OR9K2: variants seen among roughly 807,000 people sequenced by gnomAD.
OR9K2 encodes the protein olfactory receptor family 9 subfamily K member 2, also known as olfactory receptor 9K2.
In OR9K2, 16 loss-of-function variants were observed where a neutral mutation model predicts 12.4. That is an observed-to-expected ratio of 1.29 (90% CI 0.87 to 1.95). The LOEUF is 1.95. Ranked by LOEUF, OR9K2 falls within the 30% of genes most tolerant of loss-of-function variation. The pLI is 0.00. For synonymous variants in OR9K2, 133 were observed against 133.2 expected (o/e 1.00, Z 0.01); for missense variants, 434 against 376.5 (o/e 1.15, Z -1.26).
chr12:55,129,152 G>A (rs1386061742), intron 2 of OR9K2, among the ~76,000 whole-genome samples: 1 of 152,134 alleles, frequency 6.6e-6, no homozygotes, highest in Non-Finnish European at 1.5e-5. Flanking sequence ...ATGAAGGGAA[G>A]TTTTCTTTAT....
rs1241548602 is a variant in OR9K2, at chr12:55,130,324, A to G, written c.490A>G (p.Ser164Gly). The change falls in exon 3 of 3, where the codon AGC becomes GGC. Residue 164 changes from serine to glycine, a missense_variant. By Grantham distance (56) the Ser-to-Gly change is moderately conservative. Transcript: ENST00000641329. ...CGCISSVIQTSMTFTLSFCAS... is the reference protein window; with the variant it reads ...CGCISSVIQTGMTFTLSFCAS... Reference sequence around the variant, plus strand: ...CTGCATTAGCTCAGTTATTCAGACTAGCATGACATTTACTTTATCTTTTTG... The same window carrying G: ...CTGCATTAGCTCAGTTATTCAGACTGGCATGACATTTACTTTATCTTTTTG... 6.2e-7 allele frequency: 1 copy of G among 1,613,914 alleles called. No homozygotes were observed.
In OR9K2 at chr12:55,130,130, G is replaced by T. The variant is rs1290069971; in HGVS notation, c.296G>T (p.Gly99Val). ...GAAAACAAGTCTATCTCCTTTGCAG[G>T]CTGTGTGGCCCAGCTCTTTCTCTTT... ...WSENKSISFA[G>V]CVAQLFLFAL... The change falls in exon 3 of 3, where the codon GGC (glycine) becomes GTC (valine). Residue 99 changes from glycine (G) to valine (V), a missense_variant. Transcript: ENST00000641329. 1 of 1,613,748 alleles carries T rather than the reference G, an allele frequency of 6.2e-7. No individual in the cohort carries two copies. Among genetic ancestry groups the T allele is most frequent in the Non-Finnish European group, 8.5e-7 (1 of 1,179,984 alleles).
chr12:55,127,202 A>G (rs1240557022), intron 2 of OR9K2, among the ~76,000 whole-genome samples: 2 of 151,894 alleles, frequency 1.3e-5, no homozygotes, highest in Non-Finnish European at 2.9e-5. Context: ...CATTATGTTG[A>G]CAATACGCAG....
intron 2 of OR9K2, 118 bp from the exon 3 acceptor site, chr12:55,129,708 A>C: frequency 7.9e-7 from 1 of 1,257,950 alleles, no homozygotes; most frequent in Non-Finnish European, 1.1e-6. Flanking sequence ...GGCAAAAATT[A>C]ATAATAACAT....
At chr12:55,128,832 C>G (rs1953447002) in intron 2 of OR9K2, among the ~76,000 whole-genome samples, 1 of 152,052 alleles carries the variant, frequency 6.6e-6, no homozygotes, top group African/African-American at 2.4e-5. Context: ...CCATATGTAT[C>G]CTTTGCAGTA....
At chr12:55,127,157 A>T (rs932091267) in intron 2 of OR9K2, among the ~76,000 whole-genome samples, 3 of 151,888 alleles carry the variant, frequency 2.0e-5, no homozygotes, top group Non-Finnish European at 4.4e-5. Flanking sequence ...ACGTAATAAT[A>T]TGTATTGAAT....
In OR9K2 at chr12:55,126,918, G is replaced by A. The variant is rs1480202384; in HGVS notation, c.-10+7G>A. 6.6e-6 allele frequency: 1 copy of A among 152,070 alleles called. No homozygotes were observed. Among genetic ancestry groups the A allele is most frequent in the African/African-American group, 2.4e-5 (1 of 41,420 alleles). The allele number at this position is 152,070 out of a possible 1,614,324, so 9.4% of individuals were successfully genotyped here. A position where few individuals can be genotyped will look rare whatever the true frequency, so the allele number is the denominator to read the frequency against. On this transcript the variant is annotated splice_region_variant and intron_variant, in intron 2 of 2. Coordinates refer to ENST00000641329, the MANE Select transcript of OR9K2 (RefSeq NM_001005243.2). Reference sequence around the variant, plus strand: ...AGTTACTAAACAATACAAGGTAAAAGTAACTTAAAACCTGTAAGTTTTTGA... The same window carrying A: ...AGTTACTAAACAATACAAGGTAAAAATAACTTAAAACCTGTAAGTTTTTGA...
At position 55,130,616 on chromosome 12, in the gene OR9K2, T is replaced by G; in HGVS notation, c.782T>G (p.Met261Arg). The G allele has an allele frequency of 6.2e-7, 1 of 1,613,998 alleles. No homozygotes were observed. Among genetic ancestry groups the G allele is most frequent in the Middle Eastern group, 1.7e-4 (1 of 6,060 alleles). Residue 261 changes from methionine (M) to arginine (R), a missense_variant, in exon 3 of 3, where the codon ATG (methionine) becomes AGG (arginine). By Grantham distance (91) the Met-to-Arg change is moderately conservative. Transcript: ENST00000641329. The stretch of plus-strand genomic sequence containing the variant: ...GTGCTGTATGGTGCTGTCTTTTTTA[T>G]GTATCTCACTCCTGACAGATTTCCT... ...VSVLYGAVFF[M>R]YLTPDRFPEL... is the part of the protein sequence containing the mutation.
rs1278149973 is a variant in OR9K2 at position 55,130,325 on chromosome 12, G to A, written c.491G>A (p.Ser164Asn). 6.2e-7 allele frequency: 1 copy of A among 1,613,984 alleles called. No homozygotes were observed. The highest frequency in any genetic ancestry group is 1.7e-5 in the Admixed American group (1 of 59,966). The part of the protein sequence containing the change: ...CGCISSVIQT[S>N]MTFTLSFCAS... ...TGCATTAGCTCAGTTATTCAGACTA[G>A]CATGACATTTACTTTATCTTTTTGC... is the stretch of plus-strand genomic sequence containing the variant. Residue 164 changes from serine (S) to asparagine (N), a missense_variant, in exon 3 of 3, where the codon AGC becomes AAC. Physicochemically the swap from Ser to Asn is conservative, Grantham distance 46. Coordinates refer to ENST00000641329, the MANE Select transcript of OR9K2 (RefSeq NM_001005243.2).
At position 55,130,191 on chromosome 12, in the gene OR9K2, G is replaced by A. The variant is rs149555130; in HGVS notation, c.357G>A (p.Ala119=). The A allele has an allele frequency of 7.7e-5, 125 of 1,613,952 alleles. No individual in the cohort carries two copies. In the African/African-American group the frequency reaches 1.2e-3, roughly 15 times the overall value. The change falls in exon 3 of 3, where the codon GCG becomes GCA. Residue 119 remains alanine, a synonymous_variant. Transcript: ENST00000641329. The part of the protein sequence containing the change: ...LLIVTEGFLL[A]AMAYDRFIAI... Reference sequence around the variant, plus strand: ...TTGTGACTGAGGGATTTCTCCTGGCGGCCATGGCTTATGACCGCTTTATTG... The same window carrying A: ...TTGTGACTGAGGGATTTCTCCTGGCAGCCATGGCTTATGACCGCTTTATTG...
Position 55,130,209 on chromosome 12 carries a change from CT to C in OR9K2, c.378del (p.Phe126LeufsTer40). On this transcript the variant is annotated frameshift_variant, in exon 3 of 3. Coordinates refer to ENST00000641329, the MANE Select transcript of OR9K2 (RefSeq NM_001005243.2). LOFTEE classifies it high-confidence loss of function. ...FLLAAMAYDR[F>X]IAICNPLLYS... Reference sequence around the variant, plus strand: ...TCCTGGCGGCCATGGCTTATGACCGCTTTATTGCCATCTGCAACCCTCTGCT... The same window carrying C: ...TCCTGGCGGCCATGGCTTATGACCGCTTATTGCCATCTGCAACCCTCTGCT... 1 of 1,614,132 alleles carries C rather than the reference CT, an allele frequency of 6.2e-7. No homozygotes were observed. Among genetic ancestry groups the C allele is most frequent in the Non-Finnish European group, 8.5e-7 (1 of 1,180,006 alleles).
Position 55,130,439 on chromosome 12 carries a change from C to G in OR9K2, c.605C>G (p.Ser202Cys). 2 of 1,613,596 alleles carry G rather than the reference C, an allele frequency of 1.2e-6. No homozygotes were observed. Among genetic ancestry groups the G allele is most frequent in the East Asian group, 2.2e-5 (1 of 44,872 alleles). The stretch of plus-strand genomic sequence containing the variant: ...GATCTCTTTATCCATAGAATGATAT[C>G]TTTTTCCTTATCATGTATTATTATC... Reference protein sequence around the residue: ...CSDLFIHRMISFSLSCIIILP... With the variant: ...CSDLFIHRMICFSLSCIIILP... Residue 202 changes from serine (S) to cysteine (C), a missense_variant, in exon 3 of 3, where the codon TCT becomes TGT. Physicochemically the swap from Ser to Cys is moderately radical, Grantham distance 112. Coordinates refer to ENST00000641329, the MANE Select transcript of OR9K2 (RefSeq NM_001005243.2).
rs1027504893 is a variant in OR9K2 at position 55,130,376 on chromosome 12, A to C, written c.542A>C (p.Tyr181Ser). The C allele has an allele frequency of 3.1e-6, 5 of 1,613,778 alleles. No individual in the cohort carries two copies. In the African/African-American group the frequency reaches 6.7e-5, roughly 22 times the overall value. Reference sequence around the variant, plus strand: ...GCTTCTCGGGCTGTTGACCACTTTTACTGTGATTCTCGCCCACTTCAGAGA... The same window carrying C: ...GCTTCTCGGGCTGTTGACCACTTTTCCTGTGATTCTCGCCCACTTCAGAGA... The part of the protein sequence containing the change: ...FCASRAVDHF[Y>S]CDSRPLQRLS... Residue 181 changes from tyrosine to serine, a missense_variant, in exon 3 of 3, where the codon TAC becomes TCC. Coordinates refer to ENST00000641329, the MANE Select transcript of OR9K2 (RefSeq NM_001005243.2).
In OR9K2 at chr12:55,130,019, T is replaced by C. The variant is rs150710144; in HGVS notation, c.185T>C (p.Met62Thr). The C allele has an allele frequency of 1.3e-4, 212 of 1,613,588 alleles. 1 individual carries two copies. The African/African-American group carries it at 2.4e-3, about 19-fold the overall frequency. Reference sequence around the variant, plus strand: ...ACTGATCCTCGGCTGAACACACCAATGTATTTTTTCCTAGGCAATCTCTCC... The same window carrying C: ...ACTGATCCTCGGCTGAACACACCAACGTATTTTTTCCTAGGCAATCTCTCC... ...IMTDPRLNTP[M>T]YFFLGNLSFI... is the part of the protein sequence containing the mutation. Residue 62 changes from methionine to threonine, a missense_variant, in exon 3 of 3, where the codon ATG becomes ACG. Coordinates refer to ENST00000641329, the MANE Select transcript of OR9K2 (RefSeq NM_001005243.2).
In OR9K2 at chr12:55,130,270, CAGTT is replaced by C. The variant is rs776117044; in HGVS notation, c.437_440del (p.Gln146ArgfsTer19). On this transcript the variant is annotated frameshift_variant, in exon 3 of 3. Coordinates refer to ENST00000641329, the MANE Select transcript of OR9K2 (RefSeq NM_001005243.2). LOFTEE classifies it high-confidence loss of function. ...TCAAATGTCCACACGTCTGTGTACT[CAGTT>C]GGTGGCTGGTTCCTATTTTTGTGGC... is the stretch of plus-strand genomic sequence containing the variant. The C allele has an allele frequency of 2.4e-5, 38 of 1,614,042 alleles. No homozygotes were observed. The East Asian group carries it at 7.6e-4, about 32-fold the overall frequency.
At chr12:55,127,104 T>C (rs6581018) in intron 2 of OR9K2, among the ~76,000 whole-genome samples, 193 bp downstream of exon 2, 49,145 of 151,430 alleles carry the variant, frequency 0.32, 8,201 homozygotes, top group Middle Eastern at 0.41. Context: ...TGTTTTTTTA[T>C]ATTCTCTGAT....
chr12:55,131,032 G>A lies in OR9K2; in HGVS notation c.*256G>A, dbSNP rs1000408802. 5 of 304,636 alleles carry A rather than the reference G, an allele frequency of 1.6e-5. No homozygotes were observed. The highest frequency in any genetic ancestry group is 3.0e-5 in the Non-Finnish European group (5 of 164,332). The allele number at this position is 304,636 out of a possible 1,614,324, so 18.9% of individuals were successfully genotyped here. A position where few individuals can be genotyped will look rare whatever the true frequency, so the allele number is the denominator to read the frequency against. Reference sequence around the variant, plus strand: ...CTGGTCTTCAACATTTTATTTCACAGAATTTATATCTATTGATTCTTGTGG... The same window carrying A: ...CTGGTCTTCAACATTTTATTTCACAAAATTTATATCTATTGATTCTTGTGG... On this transcript the variant is annotated 3_prime_UTR_variant, in exon 3 of 3. Coordinates refer to ENST00000641329, the MANE Select transcript of OR9K2 (RefSeq NM_001005243.2).
In OR9K2 at chr12:55,129,951, C is replaced by A; in HGVS notation, c.117C>A (p.Ala39=). ...LLFLLFLFVY[A]MILLGNVGMM... ...TCCTGCTATTTTTGTTTGTTTATGC[C>A]ATGATCCTTCTAGGGAATGTTGGGA... Residue 39 remains alanine (A), a synonymous_variant, in exon 3 of 3, where the codon GCC becomes GCA. Coordinates refer to ENST00000641329, the MANE Select transcript of OR9K2 (RefSeq NM_001005243.2). 1 of 1,613,990 alleles carries A rather than the reference C, an allele frequency of 6.2e-7. No homozygotes were observed. Among genetic ancestry groups the A allele is most frequent in the Middle Eastern group, 1.7e-4 (1 of 6,060 alleles).
At position 55,129,820 on chromosome 12, in the gene OR9K2, C is replaced by T; in HGVS notation, c.-9-6C>T. ...TTTGTATATTTTGCCCTGTGCCTCT[C>T]AACAGGTTTCTACCATGGGTGACAG... On this transcript the variant is annotated splice_polypyrimidine_tract_variant and splice_region_variant and intron_variant, in intron 2 of 2. Transcript: ENST00000641329. 1 of 1,612,696 alleles carries T rather than the reference C, an allele frequency of 6.2e-7. No individual in the cohort carries two copies. The highest frequency in any genetic ancestry group is 8.5e-7 in the Non-Finnish European group (1 of 1,178,806).
Sources: allele counts gnomAD v4.1 joint callset (sites outside exome capture counted in the v4.1 genomes callset), GRCh38; gene constraint gnomAD v4.1.1; transcripts MANE v1.5; gene names NCBI Gene and HGNC (gene_info 2026-07-23, HGNC 2026-07-21).